UGT1A6: variants seen among roughly 807,000 people sequenced by gnomAD.
UGT1A6 encodes UDP glucuronosyltransferase family 1 member A6.
A neutral mutation model predicts 44.4 loss-of-function variants in UGT1A6; 32 were observed. The observed-to-expected ratio is 0.72, with a 90% CI of 0.54 to 0.97. The LOEUF is 0.97. Among genes scored for constraint, UGT1A6 ranks in the 50% least tolerant of loss-of-function variants. UGT1A6 has a pLI of 0.00. For synonymous variants in UGT1A6, 238 were observed against 248.5 expected (o/e 0.96, Z 0.40); for missense variants, 685 against 661.9 (o/e 1.03, Z -0.38).
At chr2:233,743,935 C>T (rs761038539) in intron 1 of UGT1A6, 2 of 1,356,896 alleles carry the variant, frequency 1.5e-6, no homozygotes, top group African/African-American at 1.5e-5. Flanking sequence ...GCCAGAACGG[C>T]CCACCAGGCA....
chr2:233,759,541 C>A (rs1020987350), intron 1 of UGT1A6, among the ~76,000 whole-genome samples: 1 of 152,092 alleles, frequency 6.6e-6, no homozygotes, highest in Non-Finnish European at 1.5e-5. Flanking sequence ...TGTTCACATG[C>A]GCTCCAGTGA....
At chr2:233,731,284 C>CTTTTTTTTT (rs78127606) in intron 1 of UGT1A6, among the ~76,000 whole-genome samples, 1 of 139,768 alleles carries the variant, frequency 7.2e-6, no homozygotes. Flanking sequence ...GTTTTTCTTT[C>CTTTTTTTTT]TTTTTTTTTT....
chr2:233,767,989 T>C lies in UGT1A6; in HGVS notation c.1081+53T>C, dbSNP rs1699539176. The C allele has an allele frequency of 3.1e-6, 5 of 1,614,076 alleles. No homozygotes were observed. In the Admixed American group the frequency reaches 5.0e-5, roughly 16 times the overall value. Reference sequence around the variant, plus strand: ...TCAAACCAGGGTCAAATTAAGAAAATGGCTTAAGCACAGCTATTCTAAAGG... The same window carrying C: ...TCAAACCAGGGTCAAATTAAGAAAACGGCTTAAGCACAGCTATTCTAAAGG... On this transcript the variant is annotated intron_variant, in intron 3 of 4. Coordinates refer to ENST00000305139, the MANE Select transcript of UGT1A6 (RefSeq NM_001072.4).
chr2:233,755,086 G>A (rs1190713460), intron 1 of UGT1A6: 3 of 1,335,468 alleles, frequency 2.2e-6, no homozygotes, highest in Non-Finnish European at 3.0e-6. Flanking sequence ...TAGATATCGC[G>A]TTTCTACGCG....
At chr2:233,755,761 TG>T (rs1696013090) in intron 1 of UGT1A6, 1 of 152,946 alleles carries the variant, frequency 6.5e-6, no homozygotes, top group South Asian at 2.1e-4. Flanking sequence ...CATTTGCTTT[TG>T]TTCATCTGGA....
At chr2:233,749,234 A>T (rs1694147769) in intron 1 of UGT1A6, among the ~76,000 whole-genome samples, 1 of 151,936 alleles carries the variant, frequency 6.6e-6, no homozygotes, top group Admixed American at 6.5e-5. Flanking sequence ...CATTTTTTAA[A>T]ATCAAACCAC....
chr2:233,736,493 C>T (rs1043320010), intron 1 of UGT1A6, among the ~76,000 whole-genome samples: 3 of 152,222 alleles, frequency 2.0e-5, no homozygotes, highest in Non-Finnish European at 2.9e-5. Flanking sequence ...TACTACCAAA[C>T]TTCTGAAGCC....
rs1178808521 is a variant in UGT1A6, at chr2:233,725,276, A to AGAG, written c.861+31413_861+31415dup. ...AGGCAGAGGCAGAGGAGGCAGAGGC[A>AGAG]GAGGCAGAGGCAGAGGCAGAGGCAG... On this transcript the variant is annotated intron_variant, in intron 1 of 4. Transcript: ENST00000305139. Among the ~76,000 whole-genome samples the AGAG allele has an allele frequency of 5.2e-3, 248 of 47,428 alleles. 10 individuals carry two copies. The highest frequency in any genetic ancestry group is 6.8e-3 in the Non-Finnish European group (161 of 23,506). 31.1% of individuals were successfully genotyped at this position (47,428 alleles called of 152,430 possible).
chr2:233,702,368 C>T (rs1045977241), intron 1 of UGT1A6, among the ~76,000 whole-genome samples: 12 of 151,930 alleles, frequency 7.9e-5, no homozygotes, highest in African/African-American at 2.2e-4. Context: ...TAGTGGATTT[C>T]GTAGGATTTT....
rs932840161 is a variant in UGT1A6, at chr2:233,740,624, G to A, written c.862-26410G>A. ...TCTCCAGGTCTCTTGGGGCTCACAG[G>A]GTCATGCCTTTCCTTGCCCAGTGTA... On this transcript the variant is annotated intron_variant, in intron 1 of 4. Coordinates refer to ENST00000305139, the MANE Select transcript of UGT1A6 (RefSeq NM_001072.4). 1.3e-5 allele frequency: 2 copies of A among 151,796 alleles called. 1 individual carries two copies. Among genetic ancestry groups the A allele is most frequent in the African/African-American group, 4.9e-5 (2 of 41,062 alleles). 9.4% of individuals were successfully genotyped at this position (151,796 alleles called of 1,614,324 possible).
At chr2:233,736,991 G>A (rs1181891962) in intron 1 of UGT1A6, among the ~76,000 whole-genome samples, 1 of 152,206 alleles carries the variant, frequency 6.6e-6, no homozygotes, top group Non-Finnish European at 1.5e-5. Flanking sequence ...GATACACAGA[G>A]GTCAGGGACC....
intron 1 of UGT1A6, among the ~76,000 whole-genome samples, chr2:233,714,661 A>G (rs2076404263): frequency 6.6e-6 from 1 of 152,228 alleles, no homozygotes; most frequent in African/African-American, 2.4e-5. Context: ...TTATTTAACC[A>G]GATGTATCCC....
Position 233,747,246 on chromosome 2 carries a change from G to C in UGT1A6, c.862-19788G>C, listed in dbSNP as rs1208197105. On this transcript the variant is annotated intron_variant, in intron 1 of 4. Coordinates refer to ENST00000305139, the MANE Select transcript of UGT1A6 (RefSeq NM_001072.4). ...CAGGACCCCAGGTTCCCCTGCTGTG[G>C]CTGGCCACAGGAGTGCTACTCCTTC... The C allele has an allele frequency of 3.7e-6, 6 of 1,601,870 alleles. No individual in the cohort carries two copies. The African/African-American group carries it at 5.4e-5, about 14-fold the overall frequency.
intron 1 of UGT1A6, among the ~76,000 whole-genome samples, chr2:233,748,662 A>G (rs1454000356): frequency 4.0e-5 from 6 of 151,710 alleles, no homozygotes; most frequent in Non-Finnish European, 8.8e-5. Flanking sequence ...TTCAGTTTCC[A>G]GAGAGGGATC....
At chr2:233,733,916 G>A (rs1485118411) in intron 1 of UGT1A6, among the ~76,000 whole-genome samples, 2 of 151,970 alleles carry the variant, frequency 1.3e-5, no homozygotes, top group South Asian at 2.1e-4. Context: ...GGTAGAATTC[G>A]GCTGTGAGGA....
At chr2:233,719,126 A>G (rs771877893) in intron 1 of UGT1A6, 1 of 1,614,270 alleles carries the variant, frequency 6.2e-7, no homozygotes. Context: ...GGTTCTTTGA[A>G]ACAGAACATC....
At chr2:233,719,389 C>A (rs1343929267) in intron 1 of UGT1A6, 1 of 1,613,916 alleles carries the variant, frequency 6.2e-7, no homozygotes, top group Admixed American at 1.7e-5. Flanking sequence ...TGTCCAAATC[C>A]TTCCTCCTAT....
upstream of UGT1A6, chr2:233,692,745 C>A (rs1201531299): frequency 3.8e-6 from 4 of 1,064,978 alleles, no homozygotes; most frequent in African/African-American, 4.9e-5. Context: ...GAGGGAGAAG[C>A]AGACTTGTGG....
Position 233,769,475 on chromosome 2 carries a change from G to T in UGT1A6, c.1301+1036G>T. On this transcript the variant is annotated intron_variant, in intron 4 of 4. Coordinates refer to ENST00000305139, the MANE Select transcript of UGT1A6 (RefSeq NM_001072.4). The surrounding 1 kb of genome is among the most constrained non-coding windows in gnomAD (Gnocchi z 4.4). Reference sequence around the variant, plus strand: ...TGTGCATTCATATGCGTGTGTGTGTGTGTGCGTGTGTTTATGAGAGTGTCC... The same window carrying T: ...TGTGCATTCATATGCGTGTGTGTGTTTGTGCGTGTGTTTATGAGAGTGTCC... 6.2e-7 allele frequency: 1 copy of T among 1,611,166 alleles called. No homozygotes were observed.
Sources: allele counts gnomAD v4.1 joint callset (sites outside exome capture counted in the v4.1 genomes callset), GRCh38; gene constraint gnomAD v4.1.1; non-coding constraint Gnocchi (gnomAD v3.1); transcripts MANE v1.5; gene names NCBI Gene and HGNC (gene_info 2026-07-23, HGNC 2026-07-21).